Variants in C12orf42 observed in about 807,000 individuals in gnomAD.
The protein encoded by C12orf42 is uncharacterized protein C12orf42.
In C12orf42, 25 loss-of-function variants were observed where a neutral mutation model predicts 21.6. The observed-to-expected ratio is 1.16, with a 90% CI of 0.84 to 1.62. C12orf42 has a LOEUF of 1.62. Among genes scored for constraint, C12orf42 ranks in the 40% most tolerant of loss-of-function variants. C12orf42 has a pLI of 0.00. For missense variants in C12orf42, 483 were observed against 459.3 expected (o/e 1.05, Z -0.47); for synonymous variants, 174 against 175.0 (o/e 0.99, Z 0.05).
chr12:103,114,225 CA>C, the C12orf42 span, among the ~76,000 whole-genome samples: 1 of 152,130 alleles, frequency 6.6e-6, no homozygotes. Flanking sequence ...TTAAAATGTT[CA>C]AATACAACTT....
chr12:103,483,639 A>G (rs1954623054), intron 1 of C12orf42, among the ~76,000 whole-genome samples: 1 of 151,996 alleles, frequency 6.6e-6, no homozygotes, highest in South Asian at 2.1e-4. Context: ...TGTCAGGTTT[A>G]TGTTTTTTTT....
At chr12:103,549,318 C>T in the C12orf42 span, among the ~76,000 whole-genome samples, 7 of 152,112 alleles carry the variant, frequency 4.6e-5, no homozygotes, top group Admixed American at 4.6e-4. Context: ...TAAAAATGTG[C>T]AGGGAGGTCC....
the C12orf42 span, among the ~76,000 whole-genome samples, chr12:103,068,360 G>C: frequency 9.2e-5 from 14 of 152,260 alleles, no homozygotes; most frequent in African/African-American, 3.4e-4. Flanking sequence ...TGGTGCATCT[G>C]GTTGTACAAA....
At chr12:103,535,793 T>A in the C12orf42 span, among the ~76,000 whole-genome samples, 8 of 152,080 alleles carry the variant, frequency 5.3e-5, no homozygotes, top group Non-Finnish European at 2.9e-5. Flanking sequence ...ATTTTTTTAT[T>A]TTTAGATGGG....
chr12:103,258,304 A>G (rs1046161708), intron 10 of C12orf42, among the ~76,000 whole-genome samples: 1 of 152,130 alleles, frequency 6.6e-6, no homozygotes, highest in African/African-American at 2.4e-5. Context: ...GATCATATAG[A>G]TATCGTAAAC....
intron 4 of C12orf42, among the ~76,000 whole-genome samples, chr12:103,295,705 A>G (rs74417186): frequency 0.083 from 12,606 of 152,202 alleles, 519 homozygotes; most frequent in East Asian, 0.18. Context: ...TTGCATAAAT[A>G]ATGATAATAT....
At chr12:103,128,915 T>C in the C12orf42 span, among the ~76,000 whole-genome samples, 2 of 152,320 alleles carry the variant, frequency 1.3e-5, no homozygotes, top group Admixed American at 6.5e-5. Context: ...AGAAATATTA[T>C]CTTCTTTTTT....
the C12orf42 span, among the ~76,000 whole-genome samples, chr12:103,544,985 T>C: frequency 1.3e-5 from 2 of 152,184 alleles, no homozygotes; most frequent in Non-Finnish European, 2.9e-5. Context: ...GAATCCAGTT[T>C]TTCCCCCACT....
the C12orf42 span, among the ~76,000 whole-genome samples, chr12:103,222,174 T>A: frequency 6.6e-6 from 1 of 152,108 alleles, no homozygotes; most frequent in Non-Finnish European, 1.5e-5. Flanking sequence ...ACATGGCTGT[T>A]TATTTCACCT....
At chr12:103,371,866 G>A (rs12422337) in intron 3 of C12orf42, among the ~76,000 whole-genome samples, 6,592 of 152,032 alleles carry the variant, frequency 0.043, 342 homozygotes, top group East Asian at 0.22. Context: ...ATGCTATCCC[G>A]CAACAACTAT....
At chr12:103,320,340 T>C (rs1050869703) in intron 4 of C12orf42, among the ~76,000 whole-genome samples, 6 of 152,230 alleles carry the variant, frequency 3.9e-5, no homozygotes, top group Admixed American at 1.3e-4. Context: ...CTAATAGGCA[T>C]AATTTCCCAC....
intron 2 of C12orf42, among the ~76,000 whole-genome samples, chr12:103,447,034 T>C (rs915475064): frequency 2.0e-5 from 3 of 151,960 alleles, no homozygotes; most frequent in African/African-American, 7.3e-5. Flanking sequence ...TTGCAGAACA[T>C]TCTATGCAAC....
At chr12:103,309,393 TTTAGA>T (rs2136607398) in intron 4 of C12orf42, among the ~76,000 whole-genome samples, 1 of 152,342 alleles carries the variant, frequency 6.6e-6, no homozygotes, top group Admixed American at 6.5e-5. Context: ...TTTTCTTTTC[TTTAGA>T]TTACTTTATT....
At chr12:103,223,504 C>T in the C12orf42 span, among the ~76,000 whole-genome samples, 1 of 152,232 alleles carries the variant, frequency 6.6e-6, no homozygotes, top group African/African-American at 2.4e-5. Flanking sequence ...TCAGCATAGT[C>T]CTGCCAGCAA....
intron 4 of C12orf42, among the ~76,000 whole-genome samples, chr12:103,309,117 T>A (rs1436657330): frequency 6.6e-6 from 1 of 152,218 alleles, no homozygotes; most frequent in Non-Finnish European, 1.5e-5. Flanking sequence ...GATACTTTCT[T>A]ATAGCAGCCC....
At position 103,367,958 on chromosome 12, in the gene C12orf42, A is replaced by C. The variant is rs186810131; in HGVS notation, c.259+929T>G. On this transcript the variant is annotated intron_variant, in intron 4 of 5. Transcript: ENST00000548883. ...TTTATTAGCATATAAATATAAGTGAATGAATAAACACATTCAAAATAATGC... is the reference window on the plus strand; with the variant it reads ...TTTATTAGCATATAAATATAAGTGACTGAATAAACACATTCAAAATAATGC... 1.8e-5 allele frequency: 14 copies of C among 780,948 alleles called. No individual in the cohort carries two copies. In the East Asian group the frequency reaches 6.5e-4, roughly 36 times the overall value. 48.4% of individuals were successfully genotyped at this position (780,948 alleles called of 1,614,324 possible). A position where few individuals can be genotyped will look rare whatever the true frequency, so the allele number is the denominator to read the frequency against.
the C12orf42 span, among the ~76,000 whole-genome samples, chr12:103,170,868 C>T: frequency 4.9e-4 from 75 of 152,086 alleles, no homozygotes; most frequent in Middle Eastern, 3.2e-3. Flanking sequence ...TTTAGAGCCT[C>T]GTGATATCTT....
chr12:103,286,512 G>T (rs1340774523), intron 4 of C12orf42, among the ~76,000 whole-genome samples: 1 of 151,314 alleles, frequency 6.6e-6, no homozygotes, highest in African/African-American at 2.4e-5. Context: ...GACTTAATGT[G>T]AGGTATGTAT....
the C12orf42 span, among the ~76,000 whole-genome samples, chr12:103,199,142 C>A: frequency 1.3e-5 from 2 of 152,000 alleles, no homozygotes; most frequent in Non-Finnish European, 1.5e-5. Flanking sequence ...GAATAGAGAC[C>A]ACAGGAATAA....
Sources: gnomAD v4.1 joint callset for allele counts (sites outside exome capture counted in the v4.1 genomes callset) on GRCh38, gnomAD v4.1.1 for gene constraint, MANE v1.5 for transcripts, NCBI Gene and HGNC (gene_info 2026-07-23, HGNC 2026-07-21) for gene names.